The following ILRUN variants were observed in gnomAD, a reference collection of about 807,000 sequenced individuals.
ILRUN encodes inflammation and lipid regulator with UBA-like and NBR1-like domains.
ILRUN carries 3 observed loss-of-function variants against 33.8 expected under a neutral mutation model. The observed-to-expected ratio is 0.09, with a 90% CI of 0.04 to 0.23. ILRUN has a LOEUF of 0.23. Ranked by LOEUF, ILRUN falls within the 10% of genes least tolerant of loss-of-function variation. The pLI is 1.00. For synonymous variants in ILRUN, 124 were observed against 138.9 expected (o/e 0.89, Z 0.75); for missense variants, 210 against 375.1 (o/e 0.56, Z 3.64).
intron 3 of ILRUN, 138 bp from the exon 4 acceptor site, chr6:34,607,042 C>G: frequency 1.5e-6 from 1 of 679,528 alleles, no homozygotes; most frequent in Non-Finnish European, 2.4e-6. Context: ...AGCTTGCTAA[C>G]AAAGCTGCCT....
intron 1 of ILRUN, among the ~76,000 whole-genome samples, chr6:34,674,112 C>T (rs1763178238): frequency 6.6e-6 from 1 of 152,148 alleles, no homozygotes; most frequent in Non-Finnish European, 1.5e-5. Context: ...ACTGCAACCT[C>T]CGCCTCCGGG....
intron 4 of ILRUN, among the ~76,000 whole-genome samples, chr6:34,595,032 G>C (rs1040069826): frequency 6.6e-6 from 1 of 152,170 alleles, no homozygotes; most frequent in Non-Finnish European, 1.5e-5. Flanking sequence ...CTAAAATATT[G>C]TTAGAGAACA....
At chr6:34,626,953 C>T (rs1263132291) in intron 3 of ILRUN, among the ~76,000 whole-genome samples, 6 of 151,708 alleles carry the variant, frequency 4.0e-5, no homozygotes, top group Middle Eastern at 3.4e-3. Context: ...TGCAGTGAGC[C>T]GAGATCATGC....
In ILRUN at chr6:34,664,808, T is replaced by C. The variant is rs138632052; in HGVS notation, c.159-10029A>G. Among the ~76,000 whole-genome samples the C allele has an allele frequency of 1.3e-3, 199 of 152,312 alleles. 1 individual carries two copies. The highest frequency in any genetic ancestry group is 4.3e-3 in the African/African-American group (179 of 41,568). Reference sequence around the variant, plus strand: ...TTGCTCATGAAACTTCAGGAAATGGTTTAAAATAGCAGTTACGAAATGATC... The same window carrying C: ...TTGCTCATGAAACTTCAGGAAATGGCTTAAAATAGCAGTTACGAAATGATC... On this transcript the variant is annotated intron_variant, in intron 1 of 4. Transcript: ENST00000374023.
At chr6:34,656,165 G>T (rs1463654165) in intron 1 of ILRUN, among the ~76,000 whole-genome samples, 2 of 151,048 alleles carry the variant, frequency 1.3e-5, no homozygotes, top group African/African-American at 4.9e-5. Context: ...GAACCCGAGA[G>T]GTGGAGGTTG....
intron 3 of ILRUN, among the ~76,000 whole-genome samples, chr6:34,611,320 G>T (rs1385625898): frequency 6.6e-6 from 1 of 151,934 alleles, no homozygotes; most frequent in Admixed American, 6.6e-5. Context: ...GTTGGCTATT[G>T]CTCAGCTCTG....
intron 1 of ILRUN, among the ~76,000 whole-genome samples, chr6:34,690,198 C>A (rs1763616380): frequency 1.3e-5 from 2 of 152,176 alleles, no homozygotes; most frequent in East Asian, 3.8e-4. Context: ...TGGTGGCTCA[C>A]ACCTGTAATC....
intron 1 of ILRUN, among the ~76,000 whole-genome samples, chr6:34,692,048 T>A (rs1763660254): frequency 6.6e-6 from 1 of 152,154 alleles, no homozygotes; most frequent in African/African-American, 2.4e-5. Context: ...ACTGCACCCT[T>A]CACCTCCCAG....
chr6:34,652,498 G>A (rs1762690376), intron 2 of ILRUN, among the ~76,000 whole-genome samples: 1 of 152,164 alleles, frequency 6.6e-6, no homozygotes, highest in African/African-American at 2.4e-5. Flanking sequence ...AAATATGCCA[G>A]AAAAACTAAG....
At chr6:34,616,705 G>A in intron 3 of ILRUN, 1 of 830,610 alleles carries the variant, frequency 1.2e-6, no homozygotes, top group Non-Finnish European at 2.0e-6. Context: ...ATAAGCAGAT[G>A]CACAGAACTG....
rs1762566876 is a variant in ILRUN at position 34,646,509 on chromosome 6, A to G, written c.511+92T>C. ...TGTTAAAAAGAGGCCATGCCCTGTT[A>G]TGCAATTTGACAGGCTCTGTGAGCA... is the stretch of plus-strand genomic sequence containing the variant. On this transcript the variant is annotated intron_variant, in intron 3 of 4. Coordinates refer to ENST00000374023, the MANE Select transcript of ILRUN (RefSeq NM_024294.4). This position sits in a 1 kb window ranked among gnomAD's most constrained non-coding sequence, Gnocchi z 4.9. The G allele has an allele frequency of 3.2e-6, 4 of 1,243,066 alleles. No homozygotes were observed. The highest frequency in any genetic ancestry group is 2.0e-5 in the Admixed American group (1 of 49,698). 77.0% of individuals were successfully genotyped at this position (1,243,066 alleles called of 1,614,324 possible). A position where few individuals can be genotyped will look rare whatever the true frequency, so the allele number is the denominator to read the frequency against.
chr6:34,640,130 G>A (rs1240379255), intron 3 of ILRUN, among the ~76,000 whole-genome samples: 1 of 152,162 alleles, frequency 6.6e-6, no homozygotes, highest in Non-Finnish European at 1.5e-5. Flanking sequence ...TGGACCAAGT[G>A]AGCTAGAAAT....
chr6:34,635,063 A>G (rs1435803614), intron 3 of ILRUN, among the ~76,000 whole-genome samples: 10 of 116,622 alleles, frequency 8.6e-5, no homozygotes, highest in African/African-American at 1.5e-4. Flanking sequence ...AAGTCCTCAA[A>G]TAAGGCTGTC....
Position 34,606,671 on chromosome 6 carries a change from T to A in ILRUN, c.745A>T (p.Thr249Ser). The A allele has an allele frequency of 6.2e-7, 1 of 1,612,570 alleles. No individual in the cohort carries two copies. Among genetic ancestry groups the A allele is most frequent in the African/African-American group, 1.3e-5 (1 of 75,006 alleles). ...SKNTWAPAPDTWAPAPDQTEQ... is the reference protein window; with the variant it reads ...SKNTWAPAPDSWAPAPDQTEQ... ...GTTTGGTCAGGAGCAGGAGCCCATG[T>A]GTCAGGAGCAGGAGCCCATGTGTTT... Residue 249 changes from threonine to serine, a missense_variant, in exon 4 of 5, where the codon ACA becomes TCA. Thr to Ser is a moderately conservative substitution (Grantham distance 58). Transcript: ENST00000374023.
intron 3 of ILRUN, among the ~76,000 whole-genome samples, chr6:34,631,368 C>T (rs1377152122): frequency 5.3e-5 from 8 of 151,840 alleles, no homozygotes; most frequent in African/African-American, 7.3e-5. Flanking sequence ...CACTCTGTCA[C>T]CCAGGCTGGA....
chr6:34,678,424 G>A (rs1352790478), intron 1 of ILRUN, among the ~76,000 whole-genome samples: 1 of 152,176 alleles, frequency 6.6e-6, no homozygotes, highest in Non-Finnish European at 1.5e-5. Flanking sequence ...TAAATTGCAT[G>A]TCACTGGGGT....
Position 34,588,723 on chromosome 6 carries a change from C to G in ILRUN, c.*1842G>C, listed in dbSNP as rs554322265. Reference sequence around the variant, plus strand: ...CAGCTGCACCACGCTTCTCAGCAGGCTGGCTCCAGCCACCCCCAGGGCTTC... The same window carrying G: ...CAGCTGCACCACGCTTCTCAGCAGGGTGGCTCCAGCCACCCCCAGGGCTTC... On this transcript the variant is annotated 3_prime_UTR_variant, in exon 5 of 5. Coordinates refer to ENST00000374023, the MANE Select transcript of ILRUN (RefSeq NM_024294.4). The G allele has an allele frequency of 6.5e-6, 1 of 153,660 alleles. No homozygotes were observed. The highest frequency in any genetic ancestry group is 2.1e-4 in the South Asian group (1 of 4,834). The allele number at this position is 153,660 out of a possible 1,614,324, so 9.5% of individuals were successfully genotyped here. A position where few individuals can be genotyped will look rare whatever the true frequency, so the allele number is the denominator to read the frequency against.
In ILRUN at chr6:34,696,732, G is replaced by A; in HGVS notation, c.-129C>T. 4.4e-6 allele frequency: 4 copies of A among 913,506 alleles called. No individual in the cohort carries two copies. The highest frequency in any genetic ancestry group is 1.6e-5 in the South Asian group (1 of 61,706). 56.6% of individuals were successfully genotyped at this position (913,506 alleles called of 1,614,324 possible). On this transcript the variant is annotated 5_prime_UTR_variant, in exon 1 of 5. Transcript: ENST00000374023. ...ACCCCGCTCCTTTGAGGTAGGCCCC[G>A]GGCCTCTCACAGTCTCATAGGGGTA...
intron 3 of ILRUN, chr6:34,616,388 G>A: frequency 2.2e-6 from 1 of 461,438 alleles, no homozygotes; most frequent in Non-Finnish European, 3.8e-6. Context: ...CAGCTGCTGA[G>A]CTATAAGCTA....
Sources: gnomAD v4.1 joint callset for allele counts (sites outside exome capture counted in the v4.1 genomes callset) on GRCh38, gnomAD v4.1.1 for gene constraint, Gnocchi (gnomAD v3.1) non-coding constraint, MANE v1.5 for transcripts, NCBI Gene and HGNC (gene_info 2026-07-23, HGNC 2026-07-21) for gene names.